The following TRIM44 variants were observed in gnomAD, a reference collection of about 807,000 sequenced individuals.
The protein encoded by TRIM44 is tripartite motif containing 44.
A neutral mutation model predicts 37.4 loss-of-function variants in TRIM44; 13 were observed. The observed-to-expected ratio is 0.35, with a 90% CI of 0.23 to 0.55. The LOEUF (loss-of-function observed/expected upper bound fraction) is 0.55, where lower values mean the gene tolerates loss of function less well. TRIM44 is among the 20% of genes least tolerant of loss of function. TRIM44 has a pLI of 0.89. For missense variants in TRIM44, 426 were observed against 437.2 expected, an observed-to-expected ratio of 0.97 and a Z score of 0.23; for synonymous variants, 175 against 157.2, an observed-to-expected ratio of 1.11 and a Z score of -0.85.
intron 4 of TRIM44, among the ~76,000 whole-genome samples, chr11:35,768,064 G>A (rs1852820008): frequency 6.6e-6 from 1 of 152,216 alleles, no homozygotes; most frequent in Admixed American, 6.5e-5. Flanking sequence ...GGGAAAGAGA[G>A]CACTGCCCAA....
chr11:35,699,713 C>G (rs988362534), intron 2 of TRIM44, among the ~76,000 whole-genome samples: 5 of 151,510 alleles, frequency 3.3e-5, no homozygotes, highest in Non-Finnish European at 7.4e-5. Flanking sequence ...GCCGTCGTCT[C>G]AGCCCAAAAT....
intron 2 of TRIM44, among the ~76,000 whole-genome samples, chr11:35,710,525 A>G (rs2181877): frequency 0.75 from 113,588 of 152,164 alleles, 43,517 homozygotes; most frequent in African/African-American, 0.93. Context: ...CCAAAGAGGT[A>G]GCTTTGAGTT....
chr11:35,782,508 T>C (rs1853079023), intron 4 of TRIM44, among the ~76,000 whole-genome samples: 1 of 152,094 alleles, frequency 6.6e-6, no homozygotes, highest in South Asian at 2.1e-4. Flanking sequence ...GTTTAGTGGC[T>C]AATGATGTCA....
chr11:35,798,306 C>T (rs771852558), intron 4 of TRIM44, among the ~76,000 whole-genome samples: 6 of 152,118 alleles, frequency 3.9e-5, no homozygotes, highest in Non-Finnish European at 7.4e-5. Context: ...ATCTTTGTAG[C>T]CATCTTATTT....
chr11:35,738,390 C>G (rs756035604), intron 4 of TRIM44, among the ~76,000 whole-genome samples: 1 of 152,198 alleles, frequency 6.6e-6, no homozygotes, highest in African/African-American at 2.4e-5. Context: ...CAGGCCATCT[C>G]CCTTGAGCCA....
intron 3 of TRIM44, among the ~76,000 whole-genome samples, chr11:35,726,760 A>G (rs1175944916): frequency 3.3e-5 from 5 of 152,076 alleles, no homozygotes; most frequent in Non-Finnish European, 4.4e-5. Flanking sequence ...TGTCATATTC[A>G]TTGTTATTTT....
intron 4 of TRIM44, among the ~76,000 whole-genome samples, chr11:35,789,679 T>A (rs1341587673): frequency 6.6e-6 from 1 of 152,156 alleles, no homozygotes. Context: ...TTACTGACAG[T>A]TGCCCCTCAG....
rs114945236 is a variant in TRIM44 at position 35,713,949 on chromosome 11, G to A, written c.748-11975G>A. On this transcript the variant is annotated intron_variant, in intron 2 of 4. Transcript: ENST00000299413. Reference sequence around the variant, plus strand: ...CTGACCCTGAGATGTTGGGCAGTCAGATCTGATCAAATCAGAAAAGGCAGC... The same window carrying A: ...CTGACCCTGAGATGTTGGGCAGTCAAATCTGATCAAATCAGAAAAGGCAGC... 7.7e-3 allele frequency among the ~76,000 whole-genome samples: 1,169 copies of A among 152,324 alleles called. 22 individuals carry two copies. Among genetic ancestry groups the A allele is most frequent in the African/African-American group, 0.026 (1,100 of 41,570 alleles).
At chr11:35,701,259 G>GC (rs1554928021) in intron 2 of TRIM44, among the ~76,000 whole-genome samples, 1 of 151,818 alleles carries the variant, frequency 6.6e-6, no homozygotes, top group Non-Finnish European at 1.5e-5. Flanking sequence ...AAACAGGTCT[G>GC]TTTTTTTTCC....
At position 35,726,140 on chromosome 11, in the gene TRIM44, G is replaced by A; in HGVS notation, c.964G>A (p.Glu322Lys). The A allele has an allele frequency of 6.2e-7, 1 of 1,614,036 alleles. No individual in the cohort carries two copies. The highest frequency in any genetic ancestry group is 8.5e-7 in the Non-Finnish European group (1 of 1,179,976). Reference sequence around the variant, plus strand: ...CAAGGAACAACTTGATACCTCTAATGAATCAGCTGAGCCAAAGGCAGAGGT... The same window carrying A: ...CAAGGAACAACTTGATACCTCTAATAAATCAGCTGAGCCAAAGGCAGAGGT... ...QAKEQLDTSN[E>K]SAEPKAEGDE... The change falls in exon 3 of 5, where the codon GAA becomes AAA. Residue 322 changes from glutamate to lysine, a missense_variant. Glu to Lys is a moderately conservative substitution (Grantham distance 56, BLOSUM62 1). Around this residue, in one of 2 missense-constraint regions of TRIM44, gnomAD observed 95 missense variants for 134.2 expected, o/e 0.71. Coordinates refer to ENST00000299413, the MANE Select transcript of TRIM44 (RefSeq NM_017583.6).
chr11:35,718,634 G>A (rs1038565702), intron 2 of TRIM44, among the ~76,000 whole-genome samples: 1 of 152,078 alleles, frequency 6.6e-6, no homozygotes, highest in Admixed American at 6.5e-5. Flanking sequence ...GTTGTATATT[G>A]TATGGGTTTT....
At chr11:35,709,594 C>T (rs1297001749) in intron 2 of TRIM44, among the ~76,000 whole-genome samples, 1 of 152,154 alleles carries the variant, frequency 6.6e-6, no homozygotes, top group Non-Finnish European at 1.5e-5. Context: ...CAGTTTCCGT[C>T]ATGACTTCCA....
chr11:35,775,967 G>C (rs1852952357), intron 4 of TRIM44, among the ~76,000 whole-genome samples: 1 of 152,262 alleles, frequency 6.6e-6, no homozygotes, highest in East Asian at 1.9e-4. Flanking sequence ...TTTGGTATCA[G>C]GATGATGCTG....
intron 2 of TRIM44, among the ~76,000 whole-genome samples, chr11:35,691,003 T>G (rs894918018): frequency 2.6e-5 from 4 of 152,228 alleles, no homozygotes; most frequent in African/African-American, 9.7e-5. Flanking sequence ...ATTATTTTTT[T>G]AATCACACTC....
chr11:35,811,878 G>A lies in TRIM44; in HGVS notation c.*5493G>A, dbSNP rs1275342307. On this transcript the variant is annotated 3_prime_UTR_variant, in exon 5 of 5. Transcript: ENST00000299413. ...AAGAGAGGGAGATAAGTCACTCAAG[G>A]TCACCCAACAAGCCAGGCTGGTAAA... 1 of 152,124 alleles carries A rather than the reference G, an allele frequency of 6.6e-6. No homozygotes were observed. Among genetic ancestry groups the A allele is most frequent in the Non-Finnish European group, 1.5e-5 (1 of 68,030 alleles). The allele number at this position is 152,124 out of a possible 1,614,324, so 9.4% of individuals were successfully genotyped here. A position where few individuals can be genotyped will look rare whatever the true frequency, so the allele number is the denominator to read the frequency against.
At chr11:35,735,757 G>A (rs984102520) in intron 4 of TRIM44, among the ~76,000 whole-genome samples, 3 of 151,902 alleles carry the variant, frequency 2.0e-5, no homozygotes, top group Admixed American at 6.6e-5. Context: ...ATGGTATCAG[G>A]TGGACTGACT....
At chr11:35,723,977 C>CTGATATAT (rs1731983542) in intron 2 of TRIM44, among the ~76,000 whole-genome samples, 1 of 152,140 alleles carries the variant, frequency 6.6e-6, no homozygotes, top group Non-Finnish European at 1.5e-5. Flanking sequence ...AAACACAAAT[C>CTGATATAT]ACAGTTCTCA....
chr11:35,803,467 C>T (rs1413547427), intron 4 of TRIM44, among the ~76,000 whole-genome samples: 1 of 152,102 alleles, frequency 6.6e-6, no homozygotes, highest in Non-Finnish European at 1.5e-5. Context: ...CATGGTGGCT[C>T]ATGCCTGTAA....
At position 35,808,622 on chromosome 11, in the gene TRIM44, TATC is replaced by T. The variant is rs2133887714; in HGVS notation, c.*2240_*2242del. 1 of 152,320 alleles carries T rather than the reference TATC, an allele frequency of 6.6e-6. No individual in the cohort carries two copies. Among genetic ancestry groups the T allele is most frequent in the Non-Finnish European group, 1.5e-5 (1 of 68,016 alleles). 9.4% of individuals were successfully genotyped at this position (152,320 alleles called of 1,614,324 possible). On this transcript the variant is annotated 3_prime_UTR_variant, in exon 5 of 5. Transcript: ENST00000299413. ...TATTTGCCAACCTGTCTCAGTAACTTATCATATCTCTGTGATCCTCAAGGAAAG... is the reference window on the plus strand; with the variant it reads ...TATTTGCCAACCTGTCTCAGTAACTTATATCTCTGTGATCCTCAAGGAAAG...
Sources: gnomAD v4.1 joint callset for allele counts (sites outside exome capture counted in the v4.1 genomes callset) on GRCh38, gnomAD v4.1.1 for gene constraint, gnomAD v4.1.1 regional missense constraint, MANE v1.5 for transcripts, NCBI Gene and HGNC (gene_info 2026-07-23, HGNC 2026-07-21) for gene names.